RHCE: variants seen among roughly 807,000 people sequenced by gnomAD.
RHCE encodes the protein blood group Rh(CE) polypeptide.
A neutral mutation model predicts 43.8 loss-of-function variants in RHCE; 22 were observed. The observed-to-expected ratio is 0.50, with a 90% CI of 0.36 to 0.72. RHCE has a LOEUF of 0.72. Ranked by LOEUF, RHCE falls within the 30% of genes least tolerant of loss-of-function variation. The pLI is 0.00. For synonymous variants in RHCE, 156 were observed against 210.7 expected (o/e 0.74, Z 2.25); for missense variants, 385 against 525.4 (o/e 0.73, Z 2.61).
intron 3 of RHCE, 126 bp from the exon 4 acceptor site, chr1:25,392,267 T>C (rs1009080990): frequency 1.3e-6 from 2 of 1,517,950 alleles, no homozygotes; most frequent in African/African-American, 2.7e-5. Flanking sequence ...GAGACTGGTG[T>C]TCAGAGCTTA....
chr1:25,393,043 C>T (rs1646429687), intron 3 of RHCE, among the ~76,000 whole-genome samples: 2 of 152,090 alleles, frequency 1.3e-5, no homozygotes, highest in South Asian at 2.1e-4. Context: ...CTAAGGTCTT[C>T]GGGAGATTCT....
chr1:25,410,474 G>C (rs1647038906), intron 1 of RHCE, among the ~76,000 whole-genome samples: 2 of 151,726 alleles, frequency 1.3e-5, no homozygotes, highest in Non-Finnish European at 2.9e-5. Flanking sequence ...CTGTTACCCA[G>C]GTTGGAGTGC....
At chr1:25,403,699 T>G (rs1212365389) in intron 2 of RHCE, among the ~76,000 whole-genome samples, 1 of 151,758 alleles carries the variant, frequency 6.6e-6, no homozygotes, top group Non-Finnish European at 1.5e-5. Context: ...GAAGTGGTAC[T>G]GAGCTGGACA....
chr1:25,382,617 C>A (rs183457865), intron 7 of RHCE, among the ~76,000 whole-genome samples: 1 of 152,052 alleles, frequency 6.6e-6, no homozygotes, highest in East Asian at 1.9e-4. Context: ...CCTGGCCAGA[C>A]CCTCAGCTCA....
At position 25,374,581 on chromosome 1, in the gene RHCE, T is replaced by C. The variant is rs1456302891; in HGVS notation, c.1153+768A>G. Among the ~76,000 whole-genome samples the C allele has an allele frequency of 3.0e-4, 43 of 141,426 alleles. No individual in the cohort carries two copies. The Admixed American group carries it at 3.1e-3, about 10-fold the overall frequency. The allele number at this position is 141,426 out of a possible 152,430, so 92.8% of individuals were successfully genotyped here. A position where few individuals can be genotyped will look rare whatever the true frequency, so the allele number is the denominator to read the frequency against. Reference sequence around the variant, plus strand: ...CTCAACCCCTGCTGCTCCTTCTCACTCCATTCACACCAACCACACTGGTCT... The same window carrying C: ...CTCAACCCCTGCTGCTCCTTCTCACCCCATTCACACCAACCACACTGGTCT... On this transcript the variant is annotated intron_variant, in intron 8 of 9. Transcript: ENST00000294413.
rs533642284 is a variant in RHCE at position 25,376,839 on chromosome 1, A to C, written c.1074-1411T>G. Among the ~76,000 whole-genome samples, 6 of 152,154 alleles carry C rather than the reference A, an allele frequency of 3.9e-5. No homozygotes were observed. The East Asian group carries it at 1.2e-3, about 29-fold the overall frequency. On this transcript the variant is annotated intron_variant, in intron 7 of 9. Transcript: ENST00000294413. ...TGAGGCAGGAGAACGGTGTGAACCC[A>C]GGAGGTGGAGTTTGCAGTGAGCTGA...
intron 7 of RHCE, among the ~76,000 whole-genome samples, chr1:25,384,271 A>G (rs562120701): frequency 9.9e-3 from 1,505 of 151,818 alleles, no homozygotes; most frequent in African/African-American, 0.034. Context: ...AGTACTTGGG[A>G]GAGCACATGC....
At chr1:25,376,318 T>C (rs1324955086) in intron 7 of RHCE, among the ~76,000 whole-genome samples, 1 of 152,206 alleles carries the variant, frequency 6.6e-6, no homozygotes, top group East Asian at 1.9e-4. Flanking sequence ...GGGTTCAGCA[T>C]GCACCTGGGC....
At chr1:25,395,362 C>T (rs922348887) in intron 3 of RHCE, among the ~76,000 whole-genome samples, 7 of 151,706 alleles carry the variant, frequency 4.6e-5, no homozygotes, top group Admixed American at 2.6e-4. Context: ...ACACGTTTTT[C>T]GCTAAAGAGA....
At chr1:25,410,405 G>A (rs1002861146) in intron 1 of RHCE, among the ~76,000 whole-genome samples, 2 of 151,540 alleles carry the variant, frequency 1.3e-5, no homozygotes, top group African/African-American at 4.9e-5. Flanking sequence ...TAGTTTTAGT[G>A]TTTAAATTTT....
rs1381157851 is a variant in RHCE at position 25,406,127 on chromosome 1, G to T, written c.335+2556C>A. On this transcript the variant is annotated intron_variant, in intron 2 of 9. Transcript: ENST00000294413. ...GTGGGGCAGGAGGCTGAAGGCTGGTGTGACCTTAAGCTAAGGCAGCAACAC... is the reference window on the plus strand; with the variant it reads ...GTGGGGCAGGAGGCTGAAGGCTGGTTTGACCTTAAGCTAAGGCAGCAACAC... 1.6e-5 allele frequency among the ~76,000 whole-genome samples: 2 copies of T among 123,076 alleles called. 1 individual carries two copies. Among genetic ancestry groups the T allele is most frequent in the Non-Finnish European group, 3.7e-5 (2 of 53,824 alleles). 80.7% of individuals were successfully genotyped at this position (123,076 alleles called of 152,430 possible).
chr1:25,387,881 C>T (rs1424734692), intron 6 of RHCE, among the ~76,000 whole-genome samples: 6 of 151,548 alleles, frequency 4.0e-5, no homozygotes, highest in East Asian at 1.9e-4. Context: ...AGTGCAGTGG[C>T]GCAATTTCGG....
At chr1:25,375,864 G>T (rs1335965519) in intron 7 of RHCE, among the ~76,000 whole-genome samples, 1 of 137,372 alleles carries the variant, frequency 7.3e-6, no homozygotes, top group East Asian at 2.1e-4. Flanking sequence ...GGAGTGCAGT[G>T]GTCGGCTCAC....
chr1:25,418,340 T>G (rs1413860772), intron 1 of RHCE, among the ~76,000 whole-genome samples: 1 of 151,812 alleles, frequency 6.6e-6, no homozygotes, highest in Non-Finnish European at 1.5e-5. Context: ...TGCTCTCCTC[T>G]TTGTTTTTTG....
chr1:25,423,022 G>A (rs2124555757), upstream of RHCE, among the ~76,000 whole-genome samples: 1 of 152,180 alleles, frequency 6.6e-6, no homozygotes, highest in African/African-American at 2.4e-5. Flanking sequence ...CACAGCCTGG[G>A]GGTTGGGGAC....
At chr1:25,401,428 A>G (rs1390882825) in intron 3 of RHCE, among the ~76,000 whole-genome samples, 1 of 152,044 alleles carries the variant, frequency 6.6e-6, no homozygotes, top group Non-Finnish European at 1.5e-5. Flanking sequence ...TTCTGCCACT[A>G]TCTTGCTATG....
intron 1 of RHCE, among the ~76,000 whole-genome samples, chr1:25,412,645 A>G (rs1384424592): frequency 1.4e-5 from 2 of 146,972 alleles, no homozygotes; most frequent in Non-Finnish European, 3.0e-5. Context: ...CTAGAAGGTT[A>G]AGGCTGCAGT....
At chr1:25,392,172 G>A (rs1646391327) in intron 3 of RHCE, 31 bp from the exon 4 acceptor site, 1 of 1,613,876 alleles carries the variant, frequency 6.2e-7, no homozygotes, top group African/African-American at 1.3e-5. Context: ...AGCAGTGAGT[G>A]TCGGCATCCT....
chr1:25,391,708 TC>T (rs1385317979), intron 4 of RHCE, among the ~76,000 whole-genome samples: 1 of 152,124 alleles, frequency 6.6e-6, no homozygotes, highest in African/African-American at 2.4e-5. Flanking sequence ...CTTGTCCGTT[TC>T]CCTCCTTTCA....
Sources: allele counts gnomAD v4.1 joint callset (sites outside exome capture counted in the v4.1 genomes callset), GRCh38; gene constraint gnomAD v4.1.1; transcripts MANE v1.5; gene names NCBI Gene and HGNC (gene_info 2026-07-23, HGNC 2026-07-21).